The following PIWIL1 variants were observed in gnomAD, a reference collection of about 807,000 sequenced individuals.
PIWIL1 encodes piwi-like protein 1.
In PIWIL1, 73 loss-of-function variants were observed where a neutral mutation model predicts 114.4. That is an observed-to-expected ratio of 0.64 (90% CI 0.53 to 0.78). PIWIL1 has a LOEUF of 0.78. Ranked by LOEUF, PIWIL1 falls within the 30% of genes least tolerant of loss-of-function variation. The pLI is 0.00. For synonymous variants in PIWIL1, 375 were observed against 369.0 expected (o/e 1.02, Z -0.19); for missense variants, 723 against 1,063.1 (o/e 0.68, Z 4.45).
chr12:130,348,073 A>G (rs774576498), intron 6 of PIWIL1, 30 bp from the exon 7 acceptor site: 6 of 1,403,736 alleles, frequency 4.3e-6, no homozygotes, highest in Non-Finnish European at 6.0e-6. Context: ...ATACTTATCA[A>G]TATTCACTCT....
At chr12:130,407,879 C>G in the PIWIL1 span, 9 of 1,539,100 alleles carry the variant, frequency 5.8e-6, no homozygotes, top group Non-Finnish European at 8.1e-6. Context: ...TTATTTCAAA[C>G]TTAGCGGTGT....
the PIWIL1 span, among the ~76,000 whole-genome samples, chr12:130,384,146 T>C: frequency 6.6e-6 from 1 of 152,228 alleles, no homozygotes; most frequent in Non-Finnish European, 1.5e-5. Context: ...TTATTAGACT[T>C]ACAGTATAAT....
intron 18 of PIWIL1, among the ~76,000 whole-genome samples, chr12:130,364,908 C>T (rs535378748): frequency 2.6e-4 from 40 of 152,330 alleles, no homozygotes; most frequent in African/African-American, 7.7e-4. Flanking sequence ...AGTGCAAGTT[C>T]GTCACATTCC....
the PIWIL1 span, chr12:130,396,754 C>T: frequency 1.3e-5 from 2 of 152,584 alleles, no homozygotes; most frequent in African/African-American, 4.8e-5. Context: ...CTGTGTGTAG[C>T]CTGGCTGGCT....
chr12:130,399,704 G>C, the PIWIL1 span: 1 of 1,614,160 alleles, frequency 6.2e-7, no homozygotes, highest in Non-Finnish European at 8.5e-7. Context: ...GCGCATTGGC[G>C]TATCTTGAGA....
chr12:130,355,530 A>G (rs750971368), intron 11 of PIWIL1, 23 bp from the exon 12 acceptor site: 3 of 1,501,182 alleles, frequency 2.0e-6, no homozygotes, highest in East Asian at 4.5e-5. Flanking sequence ...GTTGAGTCGC[A>G]TGTAAATGTG....
At chr12:130,358,943 C>G (rs1024448859) in intron 14 of PIWIL1, among the ~76,000 whole-genome samples, 2 of 152,136 alleles carry the variant, frequency 1.3e-5, no homozygotes, top group African/African-American at 2.4e-5. Flanking sequence ...GGCTGCCATC[C>G]TGCTCATCCT....
At chr12:130,388,544 G>C in the PIWIL1 span, among the ~76,000 whole-genome samples, 6 of 152,294 alleles carry the variant, frequency 3.9e-5, no homozygotes, top group Admixed American at 3.3e-4. Flanking sequence ...TATGTAGGGA[G>C]AGTAAACAAT....
chr12:130,409,374 G>A, the PIWIL1 span, among the ~76,000 whole-genome samples: 7 of 111,910 alleles, frequency 6.3e-5, no homozygotes, highest in Admixed American at 7.0e-4. Flanking sequence ...ATGGACTCTC[G>A]CTCTGTCGCC....
At position 130,357,543 on chromosome 12, in the gene PIWIL1, A is replaced by G; in HGVS notation, c.1655A>G (p.Asp552Gly). Residue 552 changes from aspartate to glycine, a missense_variant, in exon 14 of 21, where the codon GAC (aspartate) becomes GGC (glycine). Physicochemically the swap from Asp to Gly is moderately conservative, Grantham distance 94. Transcript: ENST00000245255. ...LRVLQQKVTADTQIVVCLLSS... is the reference protein window; with the variant it reads ...LRVLQQKVTAGTQIVVCLLSS... The stretch of plus-strand genomic sequence containing the variant: ...GTCTTACAGCAAAAGGTCACAGCAG[A>G]CACCCAGATAGTAAGTAACTAATTG... The G allele has an allele frequency of 6.2e-7, 1 of 1,609,634 alleles. No homozygotes were observed. The highest frequency in any genetic ancestry group is 8.5e-7 in the Non-Finnish European group (1 of 1,176,024).
chr12:130,359,579 G>A (rs1310655382), intron 14 of PIWIL1, among the ~76,000 whole-genome samples: 1 of 152,004 alleles, frequency 6.6e-6, no homozygotes, highest in Non-Finnish European at 1.5e-5. Flanking sequence ...ATTTTATTGG[G>A]GCCCTGCCTG....
intron 9 of PIWIL1, among the ~76,000 whole-genome samples, chr12:130,353,468 C>G (rs1416867719): frequency 6.6e-6 from 1 of 151,228 alleles, no homozygotes; most frequent in Admixed American, 6.6e-5. Flanking sequence ...AAGCAGGATG[C>G]TAAGAAAATC....
At chr12:130,393,211 C>T in the PIWIL1 span, among the ~76,000 whole-genome samples, 17 of 142,216 alleles carry the variant, frequency 1.2e-4, no homozygotes, top group South Asian at 8.8e-4. Context: ...ACCCGGTCAC[C>T]GTCATCATGT....
rs766374504 is a variant in PIWIL1, at chr12:130,342,633, C to T, written c.42C>T (p.Arg14=). 3.1e-5 allele frequency: 50 copies of T among 1,613,760 alleles called. No individual in the cohort carries two copies. Among genetic ancestry groups the T allele is most frequent in the Middle Eastern group, 1.6e-4 (1 of 6,080 alleles). The change falls in exon 2 of 21, where the codon CGC becomes CGT. Residue 14 remains arginine, a synonymous_variant. Transcript: ENST00000245255. The part of the protein sequence containing the change: ...RARARARGRA[R]GQETAQLVGS... The stretch of plus-strand genomic sequence containing the variant: ...GAGCCAGAGCCAGAGGAAGGGCCCG[C>T]GGTCAGGAGACAGCGCAGCTGGTGG...
chr12:130,358,943 C>T (rs1024448859), intron 14 of PIWIL1, among the ~76,000 whole-genome samples: 4 of 152,136 alleles, frequency 2.6e-5, no homozygotes, highest in African/African-American at 7.2e-5. Flanking sequence ...GGCTGCCATC[C>T]TGCTCATCCT....
chr12:130,406,149 T>C, the PIWIL1 span: 1 of 1,341,064 alleles, frequency 7.5e-7, no homozygotes, highest in East Asian at 2.3e-5. Context: ...CAAATGGTAC[T>C]TCTTGATATT....
chr12:130,411,812 T>C, the PIWIL1 span, among the ~76,000 whole-genome samples: 1 of 151,644 alleles, frequency 6.6e-6, no homozygotes, highest in African/African-American at 2.4e-5. Flanking sequence ...ACAATGCGTT[T>C]ATTAATGCCA....
At chr12:130,412,653 G>A in the PIWIL1 span, 11 of 1,613,840 alleles carry the variant, frequency 6.8e-6, no homozygotes, top group Admixed American at 1.0e-4. Flanking sequence ...GAGGGAGAAA[G>A]CCCTGTCTAA....
At chr12:130,345,525 C>T (rs2073046340) in intron 3 of PIWIL1, 1 of 434,988 alleles carries the variant, frequency 2.3e-6, no homozygotes, top group East Asian at 4.0e-5. Flanking sequence ...AAGGGTGCAT[C>T]TGCAATTGCC....
Sources: gnomAD v4.1 joint callset for allele counts (sites outside exome capture counted in the v4.1 genomes callset) on GRCh38, gnomAD v4.1.1 for gene constraint, MANE v1.5 for transcripts, NCBI Gene and HGNC (gene_info 2026-07-23, HGNC 2026-07-21) for gene names.